The following CPLX2 variants were observed in gnomAD, a reference collection of about 807,000 sequenced individuals.
CPLX2 encodes the protein complexin 2.
CPLX2 carries 5 observed loss-of-function variants against 16.3 expected under a neutral mutation model. The observed-to-expected ratio is 0.31, with a 90% CI of 0.16 to 0.64. The LOEUF (loss-of-function observed/expected upper bound fraction) is 0.64, where lower values mean the gene tolerates loss of function less well. Ranked by LOEUF, CPLX2 falls within the 30% of genes least tolerant of loss-of-function variation. The pLI is 0.79. For synonymous variants in CPLX2, 89 were observed against 73.2 expected, an observed-to-expected ratio of 1.22 and a Z score of -1.10; for missense variants, 144 against 181.4, an observed-to-expected ratio of 0.79 and a Z score of 1.18.
chr5:175,868,632 A>G (rs1001260070), upstream of CPLX2, among the ~76,000 whole-genome samples: 1 of 151,776 alleles, frequency 6.6e-6, no homozygotes, highest in Non-Finnish European at 1.5e-5. Context: ...GATGCAGGAG[A>G]TGAAGGAAAT....
At chr5:175,811,372 C>T (rs1043105602) in intron 2 of CPLX2, among the ~76,000 whole-genome samples, 5 of 151,998 alleles carry the variant, frequency 3.3e-5, no homozygotes, top group African/African-American at 1.2e-4. Context: ...TCCCTCAGCT[C>T]AAGAAAAAAT....
rs2113705999 is a variant in CPLX2 at position 175,872,116 on chromosome 5, G to A, written c.-89+411G>A. Reference sequence around the variant, plus strand: ...GGGACGTCGATCTAAGCTACTTCTGGCTGTGCTTAACCCGAAGCCCGCCGG... The same window carrying A: ...GGGACGTCGATCTAAGCTACTTCTGACTGTGCTTAACCCGAAGCCCGCCGG... On this transcript the variant is annotated intron_variant, in intron 1 of 3. Coordinates refer to ENST00000393745, the MANE Select transcript of CPLX2 (RefSeq NM_001008220.2). The surrounding 1 kb of genome is among the most constrained non-coding windows in gnomAD (Gnocchi z 5.0). 6.6e-6 allele frequency: 1 copy of A among 152,408 alleles called. No individual in the cohort carries two copies. The highest frequency in any genetic ancestry group is 3.4e-3 in the Middle Eastern group (1 of 294). The allele number at this position is 152,408 out of a possible 1,614,324, so 9.4% of individuals were successfully genotyped here. A position where few individuals can be genotyped will look rare whatever the true frequency, so the allele number is the denominator to read the frequency against.
rs4868540 is a variant in CPLX2 at position 175,866,510 on chromosome 5, A to C, written c.-88-12142A>C. ...AGCACAGGATGAGGGGAGCTAACCA[A>C]GTGGGGATATACAGGGCTACAGTGT... On this transcript the variant is annotated intron_variant, in intron 2 of 4. Coordinates refer to the CPLX2 transcript ENST00000359546. 1.6e-3 allele frequency among the ~76,000 whole-genome samples: 249 copies of C among 151,216 alleles called. 1 individual carries two copies. The highest frequency in any genetic ancestry group is 0.015 in the Admixed American group (236 of 15,238).
chr5:175,866,917 A>T (rs1400172731), upstream of CPLX2, among the ~76,000 whole-genome samples: 1 of 151,902 alleles, frequency 6.6e-6, no homozygotes, highest in Non-Finnish European at 1.5e-5. Flanking sequence ...CACAGAAAAT[A>T]AAAAAAATAA....
At chr5:175,879,115 G>A (rs1232116163) in intron 3 of CPLX2, 32 bp downstream of exon 3, 11 of 1,544,334 alleles carry the variant, frequency 7.1e-6, no homozygotes, top group Non-Finnish European at 9.6e-6. Context: ...GTCCTGGGGA[G>A]GGCCACAAGC....
At chr5:175,834,592 G>T (rs1439877900) in intron 2 of CPLX2, among the ~76,000 whole-genome samples, 1 of 152,182 alleles carries the variant, frequency 6.6e-6, no homozygotes, top group African/African-American at 2.4e-5. Flanking sequence ...GTTTTGTGGA[G>T]CTGGGTGTGG....
chr5:175,860,588 AAGGAAGG>A (rs1759353740), intron 2 of CPLX2, among the ~76,000 whole-genome samples: 3 of 84,216 alleles, frequency 3.6e-5, no homozygotes, highest in Admixed American at 1.1e-4. Flanking sequence ...GGAGGGAGGG[AAGGAAGG>A]AAGGAAGGAA....
At chr5:175,874,785 T>C (rs1759718881) in intron 1 of CPLX2, among the ~76,000 whole-genome samples, 1 of 152,024 alleles carries the variant, frequency 6.6e-6, no homozygotes, top group Non-Finnish European at 1.5e-5. Context: ...GTGGACGAGA[T>C]TCCCAAGGGA....
At chr5:175,847,355 G>A (rs2113674949) in intron 2 of CPLX2, among the ~76,000 whole-genome samples, 1 of 152,284 alleles carries the variant, frequency 6.6e-6, no homozygotes, top group Middle Eastern at 3.4e-3. Context: ...AGCAGGGGCT[G>A]GGTCCGAGGT....
chr5:175,809,937 G>A lies in CPLX2; in HGVS notation c.-89+869G>A, dbSNP rs965603351. 2.6e-5 allele frequency among the ~76,000 whole-genome samples: 4 copies of A among 152,160 alleles called. No homozygotes were observed. Among genetic ancestry groups the A allele is most frequent in the African/African-American group, 9.7e-5 (4 of 41,436 alleles). Reference sequence around the variant, plus strand: ...ATGTGGATATAGAGATCGCTCGATCGCTATAGATATCGTTGCTCATCCAGA... The same window carrying A: ...ATGTGGATATAGAGATCGCTCGATCACTATAGATATCGTTGCTCATCCAGA... On this transcript the variant is annotated intron_variant, in intron 2 of 4. Transcript: ENST00000359546. This position sits in a 1 kb window ranked among gnomAD's most constrained non-coding sequence, Gnocchi z 4.4.
At chr5:175,870,829 C>T (rs572632313), upstream of CPLX2, among the ~76,000 whole-genome samples, 56 of 152,306 alleles carry the variant, frequency 3.7e-4, no homozygotes, top group Non-Finnish European at 5.6e-4. Flanking sequence ...GCCTAAGGTC[C>T]ACTGCAGTTT....
chr5:175,822,862 C>T (rs895490105), intron 2 of CPLX2, among the ~76,000 whole-genome samples: 17 of 152,248 alleles, frequency 1.1e-4, no homozygotes, highest in African/African-American at 4.1e-4. Context: ...GGGATCCTCC[C>T]ACCCAACCCA....
At position 175,834,690 on chromosome 5, in the gene CPLX2, C is replaced by T. The variant is rs113698158; in HGVS notation, c.-89+25622C>T. On this transcript the variant is annotated intron_variant, in intron 2 of 4. Coordinates refer to the CPLX2 transcript ENST00000359546. ...GACATCAAGACCATCCTGGCTAACACGGTGAAACCTGGTCTCTACTAAAAA... is the reference window on the plus strand; with the variant it reads ...GACATCAAGACCATCCTGGCTAACATGGTGAAACCTGGTCTCTACTAAAAA... Among the ~76,000 whole-genome samples, 1,114 of 152,152 alleles carry T rather than the reference C, an allele frequency of 7.3e-3. 13 individuals carry two copies. The highest frequency in any genetic ancestry group is 0.026 in the African/African-American group (1,060 of 41,498).
intron 2 of CPLX2, among the ~76,000 whole-genome samples, chr5:175,826,921 T>C (rs1758625607): frequency 6.6e-6 from 1 of 152,240 alleles, no homozygotes; most frequent in African/African-American, 2.4e-5. Context: ...GCTCTAGGGA[T>C]GCTGCTTTCC....
intron 1 of CPLX2, among the ~76,000 whole-genome samples, chr5:175,808,036 G>A (rs1758243343): frequency 6.8e-6 from 1 of 146,434 alleles, no homozygotes; most frequent in Non-Finnish European, 1.5e-5. Flanking sequence ...GAAATAGAGA[G>A]CTGGGGGAGG....
Position 175,828,958 on chromosome 5 carries a change from G to A in CPLX2, c.-89+19890G>A, listed in dbSNP as rs180812566. ...GGTGGAGAAGTGAGGTCTGGGGGAG[G>A]AAACTAACCACTGGAGCCAGACGCA... On this transcript the variant is annotated intron_variant, in intron 2 of 4. Transcript: ENST00000359546. Among the ~76,000 whole-genome samples, 60 of 152,184 alleles carry A rather than the reference G, an allele frequency of 3.9e-4. 1 individual carries two copies. The highest frequency in any genetic ancestry group is 1.3e-3 in the African/African-American group (56 of 41,524).
chr5:175,847,854 C>T (rs59036628), intron 2 of CPLX2, among the ~76,000 whole-genome samples: 7 of 152,322 alleles, frequency 4.6e-5, no homozygotes, highest in South Asian at 2.1e-4. Flanking sequence ...CTCCAATCCA[C>T]ATGTCTGTCA....
Position 175,835,728 on chromosome 5 carries a change from C to CTT in CPLX2, c.-89+26687_-89+26688dup, listed in dbSNP as rs71575283. ...TTTTATTTATTTATTTATTTATTTA[C>CTT]TTTTTTTTTTTTTTTTTTTTTTTTT... On this transcript the variant is annotated intron_variant, in intron 2 of 4. Coordinates refer to the CPLX2 transcript ENST00000359546. Among the ~76,000 whole-genome samples the CTT allele has an allele frequency of 4.9e-4, 27 of 54,796 alleles. 3 individuals carry two copies. The highest frequency in any genetic ancestry group is 1.3e-3 in the African/African-American group (16 of 11,914). 35.9% of individuals were successfully genotyped at this position (54,796 alleles called of 152,430 possible). A position where few individuals can be genotyped will look rare whatever the true frequency, so the allele number is the denominator to read the frequency against.
At chr5:175,839,770 G>A (rs1758914425) in intron 2 of CPLX2, among the ~76,000 whole-genome samples, 1 of 152,228 alleles carries the variant, frequency 6.6e-6, no homozygotes, top group Non-Finnish European at 1.5e-5. Flanking sequence ...GACATTTACT[G>A]TCAAAATTAG....
Sources: allele counts gnomAD v4.1 joint callset (sites outside exome capture counted in the v4.1 genomes callset), GRCh38; gene constraint gnomAD v4.1.1; non-coding constraint Gnocchi (gnomAD v3.1); transcripts MANE v1.5; gene names NCBI Gene and HGNC (gene_info 2026-07-23, HGNC 2026-07-21).